The following FRMD5 variants were observed in gnomAD, a reference collection of about 807,000 sequenced individuals.
FRMD5 encodes FERM domain containing 5, also known as FERM domain-containing protein 5.
In FRMD5, 20 loss-of-function variants were observed where a neutral mutation model predicts 69.0. The observed-to-expected ratio is 0.29, with a 90% CI of 0.20 to 0.42. FRMD5 has a LOEUF of 0.42. Ranked by LOEUF, FRMD5 falls within the 10% of genes least tolerant of loss-of-function variation. The pLI, the probability that FRMD5 is intolerant of heterozygous loss-of-function variation, is 1.00. For missense variants in FRMD5, 595 were observed against 708.6 expected (o/e 0.84, Z 1.82); for synonymous variants, 271 against 260.1 (o/e 1.04, Z -0.40).
intron 1 of FRMD5, among the ~76,000 whole-genome samples, chr15:44,161,714 C>G (rs964580956): frequency 6.6e-6 from 1 of 152,106 alleles, no homozygotes; most frequent in African/African-American, 2.4e-5. Context: ...TGCAGCTGAC[C>G]TCATCTACCT....
chr15:44,129,615 C>T (rs1187398206), intron 1 of FRMD5, among the ~76,000 whole-genome samples: 4 of 152,046 alleles, frequency 2.6e-5, no homozygotes, highest in Non-Finnish European at 2.9e-5. Flanking sequence ...GCTTCAATAT[C>T]CCATTAACTC....
At chr15:43,945,936 A>T (rs1170849199) in intron 1 of FRMD5, among the ~76,000 whole-genome samples, 1 of 152,020 alleles carries the variant, frequency 6.6e-6, no homozygotes, top group African/African-American at 2.4e-5. Context: ...TGTGCCTGTA[A>T]TCCCAGCTAC....
intron 1 of FRMD5, among the ~76,000 whole-genome samples, chr15:43,969,753 C>T (rs757151460): frequency 1.8e-4 from 28 of 152,286 alleles, no homozygotes; most frequent in Non-Finnish European, 2.5e-4. Context: ...ACAGAACATA[C>T]GCCTTTGAGG....
intron 1 of FRMD5, among the ~76,000 whole-genome samples, chr15:44,018,441 C>A (rs965326675): frequency 6.6e-6 from 1 of 152,118 alleles, no homozygotes; most frequent in African/African-American, 2.4e-5. Context: ...TAAGTTTGGG[C>A]ATGTGAGTAA....
intron 1 of FRMD5, among the ~76,000 whole-genome samples, chr15:43,996,715 A>ATTTTTTTTTTTTTTTTT (rs11397296): frequency 2.8e-4 from 24 of 86,028 alleles, no homozygotes; most frequent in Admixed American, 7.6e-4. Flanking sequence ...TCCTCAGCTG[A>ATTTTTTTTTTTTTTTTT]TTTTTTTTTT....
chr15:44,129,105 T>G (rs1003651445), intron 1 of FRMD5, among the ~76,000 whole-genome samples: 2 of 152,104 alleles, frequency 1.3e-5, no homozygotes, highest in African/African-American at 2.4e-5. Context: ...AGGCTAACCT[T>G]AATCCAAATA....
At chr15:44,062,652 T>C (rs1215476682) in intron 1 of FRMD5, among the ~76,000 whole-genome samples, 1 of 146,496 alleles carries the variant, frequency 6.8e-6, no homozygotes, top group Non-Finnish European at 1.5e-5. Context: ...ATTGCACCAC[T>C]GTACCCCAGC....
At chr15:44,185,716 C>T (rs1254409587) in intron 1 of FRMD5, among the ~76,000 whole-genome samples, 1 of 151,776 alleles carries the variant, frequency 6.6e-6, no homozygotes, top group Non-Finnish European at 1.5e-5. Context: ...TTGCTTGAAC[C>T]CAGGAGGCAG....
Position 43,884,798 on chromosome 15 carries a change from G to A in FRMD5, c.960-3C>T, listed in dbSNP as rs1567209440. The A allele has an allele frequency of 1.2e-6, 2 of 1,613,576 alleles. No individual in the cohort carries two copies. Among genetic ancestry groups the A allele is most frequent in the Admixed American group, 1.7e-5 (1 of 60,006 alleles). On this transcript the variant is annotated splice_polypyrimidine_tract_variant and splice_region_variant and intron_variant, in intron 11 of 13. Coordinates refer to ENST00000417257, the MANE Select transcript of FRMD5 (RefSeq NM_032892.5). ...TGACTTCCTTTGCAACTCGGCCACT[G>A]TAAGTAGTGTAATAAAAACAAGCAG...
At chr15:44,053,403 G>A (rs534694103) in intron 1 of FRMD5, among the ~76,000 whole-genome samples, 17 of 152,184 alleles carry the variant, frequency 1.1e-4, no homozygotes, top group African/African-American at 3.9e-4. Context: ...TGCAAGGATC[G>A]TTCTGGTTGC....
At chr15:44,092,496 G>A (rs1170957639) in intron 1 of FRMD5, among the ~76,000 whole-genome samples, 1 of 152,142 alleles carries the variant, frequency 6.6e-6, no homozygotes, top group Non-Finnish European at 1.5e-5. Context: ...CACAGTTGTT[G>A]TTGTCATTTT....
chr15:43,933,678 A>G (rs1007957175), intron 1 of FRMD5, among the ~76,000 whole-genome samples: 1 of 152,244 alleles, frequency 6.6e-6, no homozygotes, highest in African/African-American at 2.4e-5. Flanking sequence ...TCAGAGCATT[A>G]GACTGTGAGT....
At chr15:44,070,696 A>T (rs1352957419) in intron 1 of FRMD5, among the ~76,000 whole-genome samples, 2 of 152,190 alleles carry the variant, frequency 1.3e-5, no homozygotes, top group African/African-American at 4.8e-5. Flanking sequence ...TAGAGTAATT[A>T]ACTTATGTAG....
At chr15:43,954,699 C>T (rs896963473) in intron 1 of FRMD5, among the ~76,000 whole-genome samples, 3 of 152,204 alleles carry the variant, frequency 2.0e-5, no homozygotes, top group African/African-American at 4.8e-5. Context: ...TTCTCTTGGC[C>T]TGATGAAATA....
At chr15:44,016,526 C>A (rs1890964698) in intron 1 of FRMD5, among the ~76,000 whole-genome samples, 1 of 151,966 alleles carries the variant, frequency 6.6e-6, no homozygotes, top group South Asian at 2.1e-4. Context: ...AGTTCAAGAC[C>A]AGCCTGGCCA....
Position 43,871,211 on chromosome 15 carries a change from G to A in FRMD5, c.*2674C>T, listed in dbSNP as rs1367237732. On this transcript the variant is annotated 3_prime_UTR_variant, in exon 14 of 14. Transcript: ENST00000417257. Reference sequence around the variant, plus strand: ...TCAAGCACTATTTGAAAAGCAAACTGAAGGAAACTTTTCTATCCATATTTT... The same window carrying A: ...TCAAGCACTATTTGAAAAGCAAACTAAAGGAAACTTTTCTATCCATATTTT... 1 of 152,184 alleles carries A rather than the reference G, an allele frequency of 6.6e-6. No homozygotes were observed. Among genetic ancestry groups the A allele is most frequent in the Non-Finnish European group, 1.5e-5 (1 of 68,026 alleles). 9.4% of individuals were successfully genotyped at this position (152,184 alleles called of 1,614,324 possible).
intron 1 of FRMD5, among the ~76,000 whole-genome samples, chr15:44,158,954 A>G (rs1033232915): frequency 6.6e-6 from 1 of 152,360 alleles, no homozygotes; most frequent in East Asian, 1.9e-4. Context: ...GAGTATGCCC[A>G]GCATGGCATA....
intron 1 of FRMD5, among the ~76,000 whole-genome samples, chr15:44,159,148 T>A (rs2077573986): frequency 6.6e-6 from 1 of 152,128 alleles, no homozygotes; most frequent in Non-Finnish European, 1.5e-5. Context: ...GATGAAAACA[T>A]TCTGGAAATA....
At position 44,167,083 on chromosome 15, in the gene FRMD5, T is replaced by C. The variant is rs1413647379; in HGVS notation, c.102+27870A>G. ...CCAATTAGACTTTTCCATATAAAAATAACACTAGATGGAAGAGCCAACAGT... is the reference window on the plus strand; with the variant it reads ...CCAATTAGACTTTTCCATATAAAAACAACACTAGATGGAAGAGCCAACAGT... On this transcript the variant is annotated intron_variant, in intron 1 of 13. Transcript: ENST00000417257. Among the ~76,000 whole-genome samples the C allele has an allele frequency of 2.0e-5, 3 of 152,258 alleles. No homozygotes were observed. In the South Asian group the frequency reaches 6.2e-4, roughly 32 times the overall value.
Sources: gnomAD v4.1 joint callset for allele counts (sites outside exome capture counted in the v4.1 genomes callset) on GRCh38, gnomAD v4.1.1 for gene constraint, MANE v1.5 for transcripts, NCBI Gene and HGNC (gene_info 2026-07-23, HGNC 2026-07-21) for gene names.